MTSS1: variants seen among roughly 807,000 people sequenced by gnomAD.
MTSS1 encodes MTSS I-BAR domain containing 1, also known as protein MTSS 1.
MTSS1 carries 18 observed loss-of-function variants against 79.0 expected under a neutral mutation model. The observed-to-expected ratio is 0.23, with a 90% CI of 0.16 to 0.34. The LOEUF (loss-of-function observed/expected upper bound fraction) is 0.34, where lower values mean the gene tolerates loss of function less well. Among genes scored for constraint, MTSS1 ranks in the 10% least tolerant of loss-of-function variants. The pLI is 1.00. For synonymous variants in MTSS1, 341 were observed against 368.6 expected (o/e 0.93, Z 0.86); for missense variants, 815 against 986.2 (o/e 0.83, Z 2.33).
chr8:124,616,436 G>A (rs1295990217), intron 3 of MTSS1, among the ~76,000 whole-genome samples: 1 of 150,472 alleles, frequency 6.6e-6, no homozygotes, highest in Non-Finnish European at 1.5e-5. Flanking sequence ...ATATGCTTCA[G>A]TATGTTCCGA....
At chr8:124,604,674 G>A (rs561396819) in intron 3 of MTSS1, among the ~76,000 whole-genome samples, 2 of 152,038 alleles carry the variant, frequency 1.3e-5, no homozygotes, top group African/African-American at 2.4e-5. Flanking sequence ...TGGTGTTTAC[G>A]GGACAGCTAA....
At chr8:124,716,119 C>T (rs542864483) in intron 1 of MTSS1, among the ~76,000 whole-genome samples, 9 of 152,250 alleles carry the variant, frequency 5.9e-5, no homozygotes, top group Admixed American at 6.5e-5. Context: ...CGTTGAGGAA[C>T]GCAGTCTAGC....
intron 3 of MTSS1, among the ~76,000 whole-genome samples, chr8:124,682,542 C>G (rs751643719): frequency 5.9e-5 from 9 of 152,198 alleles, no homozygotes; most frequent in Admixed American, 1.3e-4. Flanking sequence ...CAGGCAGGCT[C>G]TAGCCTACAG....
intron 1 of MTSS1, among the ~76,000 whole-genome samples, chr8:124,716,567 T>C (rs142452984): frequency 2.4e-4 from 36 of 152,196 alleles, no homozygotes; most frequent in African/African-American, 8.7e-4. Flanking sequence ...ACCTGAAGTG[T>C]TTGCTAACAC....
At chr8:124,713,255 C>G (rs1045792436) in intron 1 of MTSS1, among the ~76,000 whole-genome samples, 1 of 152,212 alleles carries the variant, frequency 6.6e-6, no homozygotes, top group Admixed American at 6.5e-5. Flanking sequence ...GCCACCCCAC[C>G]ACAACGGCAC....
At chr8:124,695,411 C>T (rs1360737813) in intron 3 of MTSS1, among the ~76,000 whole-genome samples, 1 of 152,086 alleles carries the variant, frequency 6.6e-6, no homozygotes, top group Non-Finnish European at 1.5e-5. Context: ...AGGTAGATAT[C>T]AAACCACAAA....
At chr8:124,623,788 C>T (rs999777746) in intron 3 of MTSS1, among the ~76,000 whole-genome samples, 7 of 152,268 alleles carry the variant, frequency 4.6e-5, no homozygotes, top group African/African-American at 1.4e-4. Flanking sequence ...TACAGGCCCA[C>T]ACCACCACAC....
intron 1 of MTSS1, among the ~76,000 whole-genome samples, chr8:124,723,751 A>G (rs958295039): frequency 2.0e-5 from 3 of 152,222 alleles, no homozygotes; most frequent in Non-Finnish European, 4.4e-5. Context: ...CCATTTGCTA[A>G]GAGAAAAGCC....
At chr8:124,677,909 T>C (rs955112067) in intron 3 of MTSS1, among the ~76,000 whole-genome samples, 1 of 152,166 alleles carries the variant, frequency 6.6e-6, no homozygotes, top group African/African-American at 2.4e-5. Context: ...TTCTCTTTGA[T>C]AAAAGAAATT....
chr8:124,707,372 C>T (rs1371091639), intron 1 of MTSS1, among the ~76,000 whole-genome samples: 1 of 148,898 alleles, frequency 6.7e-6, no homozygotes, highest in Non-Finnish European at 1.5e-5. Context: ...CATGGCGAGA[C>T]CCCATTTCTA....
At chr8:124,622,054 A>G (rs1282026400) in intron 3 of MTSS1, among the ~76,000 whole-genome samples, 1 of 101,070 alleles carries the variant, frequency 9.9e-6, no homozygotes, top group Non-Finnish European at 1.8e-5. Flanking sequence ...GAGAGACAGA[A>G]AGAGAAAGAG....
At chr8:124,614,503 A>G (rs1836481217) in intron 3 of MTSS1, among the ~76,000 whole-genome samples, 1 of 152,228 alleles carries the variant, frequency 6.6e-6, no homozygotes. Flanking sequence ...TTTCCAAACC[A>G]GTGGCAGAGC....
intron 3 of MTSS1, among the ~76,000 whole-genome samples, chr8:124,674,400 G>T (rs987885144): frequency 6.6e-6 from 1 of 152,050 alleles, no homozygotes; most frequent in Non-Finnish European, 1.5e-5. Context: ...CCCACGCATC[G>T]CCAGGAGCTG....
chr8:124,690,282 GCCTAATGGGGAAAC>G (rs1302002401), intron 3 of MTSS1, among the ~76,000 whole-genome samples: 1 of 152,156 alleles, frequency 6.6e-6, no homozygotes, highest in Non-Finnish European at 1.5e-5. Flanking sequence ...ATACACTAAA[GCCTAATGGGGAAAC>G]CCCATTGAAT....
chr8:124,616,692 A>G (rs192056285), intron 3 of MTSS1, among the ~76,000 whole-genome samples: 1 of 152,284 alleles, frequency 6.6e-6, no homozygotes, highest in African/African-American at 2.4e-5. Flanking sequence ...TTCTGCAGTG[A>G]TTTCTGTTGC....
intron 3 of MTSS1, among the ~76,000 whole-genome samples, chr8:124,668,858 C>T (rs749918738): frequency 1.4e-4 from 22 of 152,328 alleles, no homozygotes; most frequent in Middle Eastern, 3.4e-3. Flanking sequence ...CCGTGAAGTG[C>T]AAACCACCAT....
At chr8:124,629,876 T>C (rs1165852708) in intron 3 of MTSS1, among the ~76,000 whole-genome samples, 1 of 152,234 alleles carries the variant, frequency 6.6e-6, no homozygotes, top group Non-Finnish European at 1.5e-5. Flanking sequence ...AACTGTCATC[T>C]TTTAAAAACA....
At chr8:124,610,588 T>C (rs549428187) in intron 3 of MTSS1, among the ~76,000 whole-genome samples, 1 of 152,190 alleles carries the variant, frequency 6.6e-6, no homozygotes, top group Non-Finnish European at 1.5e-5. Context: ...TAACCTAGTT[T>C]CACATGACAC....
intron 3 of MTSS1, among the ~76,000 whole-genome samples, chr8:124,599,988 G>A (rs1197118084): frequency 6.6e-6 from 1 of 151,774 alleles, no homozygotes; most frequent in African/African-American, 2.4e-5. Flanking sequence ...CTGTCTGTGT[G>A]GTCTTTGCAA....
Sources: allele counts gnomAD v4.1 joint callset (sites outside exome capture counted in the v4.1 genomes callset), GRCh38; gene constraint gnomAD v4.1.1; transcripts MANE v1.5; gene names NCBI Gene and HGNC (gene_info 2026-07-23, HGNC 2026-07-21).